SOX6: variants seen among roughly 807,000 people sequenced by gnomAD.
SOX6 encodes the protein transcription factor SOX-6.
A neutral mutation model predicts 97.8 loss-of-function variants in SOX6; 11 were observed. That is an observed-to-expected ratio of 0.11 (90% CI 0.07 to 0.19). SOX6 has a LOEUF of 0.19. Among genes scored for constraint, SOX6 ranks in the 10% least tolerant of loss-of-function variants. SOX6 has a pLI of 1.00. For missense variants in SOX6, 810 were observed against 1,039.5 expected (o/e 0.78, Z 3.04); for synonymous variants, 360 against 371.4 (o/e 0.97, Z 0.35).
At chr11:16,506,300 C>CTTTA (rs376351949) in intron 4 of SOX6, among the ~76,000 whole-genome samples, 1 of 152,252 alleles carries the variant, frequency 6.6e-6, no homozygotes, top group African/African-American at 2.4e-5. Context: ...TATTTTGGAG[C>CTTTA]TTTAAGGTTT....
chr11:16,347,611 A>T (rs1253898683), intron 1 of SOX6, among the ~76,000 whole-genome samples: 2 of 152,122 alleles, frequency 1.3e-5, no homozygotes, highest in African/African-American at 4.8e-5. Flanking sequence ...TTTTTAAGTG[A>T]ATAAACAGAC....
At chr11:16,561,091 C>A (rs879713913) in intron 4 of SOX6, among the ~76,000 whole-genome samples, 1 of 151,658 alleles carries the variant, frequency 6.6e-6, no homozygotes, top group Non-Finnish European at 1.5e-5. Context: ...GTAACCAAAA[C>A]CACCTGTTCC....
intron 11 of SOX6, 123 bp from the exon 12 acceptor site, chr11:16,046,824 T>A: frequency 1.0e-6 from 1 of 993,480 alleles, no homozygotes; most frequent in Non-Finnish European, 1.5e-6. Flanking sequence ...CATTTGCTAT[T>A]TTTTAAACTA....
intron 3 of SOX6, among the ~76,000 whole-genome samples, chr11:16,677,656 G>A (rs1847895139): frequency 6.6e-6 from 1 of 152,142 alleles, no homozygotes. Context: ...AAGGAGTATT[G>A]ATCTGTGAGT....
chr11:16,246,370 G>C (rs1004386431), intron 3 of SOX6, among the ~76,000 whole-genome samples: 33 of 151,318 alleles, frequency 2.2e-4, no homozygotes, highest in Admixed American at 9.9e-4. Flanking sequence ...TAAAATCTAA[G>C]TTTCCATCTA....
intron 4 of SOX6, among the ~76,000 whole-genome samples, chr11:16,604,442 A>AG (rs1848308640): frequency 6.6e-6 from 1 of 152,136 alleles, no homozygotes. Flanking sequence ...GCGGGAGTAG[A>AG]GGGGCCCTCT....
intron 3 of SOX6, among the ~76,000 whole-genome samples, chr11:16,624,015 G>T (rs957211280): frequency 1.3e-5 from 2 of 152,080 alleles, no homozygotes; most frequent in Non-Finnish European, 2.9e-5. Context: ...AATCATCATT[G>T]TGATTGCTAT....
chr11:16,249,120 A>T (rs1280680644), intron 3 of SOX6, among the ~76,000 whole-genome samples: 1 of 151,996 alleles, frequency 6.6e-6, no homozygotes, highest in African/African-American at 2.4e-5. Flanking sequence ...AAAAAGAAAA[A>T]AAAAATTGAC....
intron 3 of SOX6, among the ~76,000 whole-genome samples, chr11:16,306,627 C>CTTT (rs529819628): frequency 5.6e-5 from 6 of 106,480 alleles, no homozygotes; most frequent in East Asian, 3.1e-4. Flanking sequence ...TTTTTTTTTT[C>CTTT]TTTTTTTTTT....
chr11:16,187,105 A>G, intron 4 of SOX6, 150 bp from the exon 5 acceptor site: 1 of 811,040 alleles, frequency 1.2e-6, no homozygotes, highest in Non-Finnish European at 2.1e-6. Flanking sequence ...GGAACACCAG[A>G]GAGTAATTAC....
chr11:16,460,473 A>G (rs1859901514), intron 1 of SOX6, among the ~76,000 whole-genome samples: 2 of 152,222 alleles, frequency 1.3e-5, no homozygotes, highest in East Asian at 1.9e-4. Context: ...TGATAAGGTA[A>G]TATGAATGAC....
At chr11:16,402,610 G>C (rs1376877550) in intron 1 of SOX6, 1 of 1,525,422 alleles carries the variant, frequency 6.6e-7, no homozygotes, top group Non-Finnish European at 9.1e-7. Context: ...AATGAAAGCA[G>C]ACTGAAGTTA....
intron 6 of SOX6, among the ~76,000 whole-genome samples, chr11:16,146,041 CAAGTCAATCCT>C (rs1389977605): frequency 6.6e-6 from 1 of 152,092 alleles, no homozygotes; most frequent in Non-Finnish European, 1.5e-5. Flanking sequence ...CCCACATTGC[CAAGTCAATCCT>C]AAGCCAAAAG....
intron 2 of SOX6, among the ~76,000 whole-genome samples, chr11:16,718,266 AT>A (rs1029790669): frequency 1.4e-4 from 21 of 151,514 alleles, no homozygotes; most frequent in African/African-American, 4.9e-4. Flanking sequence ...AAAAAAAAAA[AT>A]TTCATTCCTC....
intron 14 of SOX6, 56 bp downstream of exon 14, chr11:15,988,941 G>A: frequency 6.6e-7 from 1 of 1,505,838 alleles, no homozygotes; most frequent in Non-Finnish European, 9.2e-7. Context: ...CACCCTGGTG[G>A]CACTCATGGG....
chr11:16,148,194 T>TAAAA (rs1564983183), intron 6 of SOX6, among the ~76,000 whole-genome samples: 3 of 152,190 alleles, frequency 2.0e-5, no homozygotes, highest in African/African-American at 7.2e-5. Flanking sequence ...AAGTATATTC[T>TAAAA]GCCAATCAGT....
chr11:16,604,486 CG>C (rs1848309371), intron 4 of SOX6, among the ~76,000 whole-genome samples: 1 of 152,200 alleles, frequency 6.6e-6, no homozygotes, highest in South Asian at 2.1e-4. Flanking sequence ...CTGGCTGGGC[CG>C]TGCAGCCAGG....
chr11:16,184,077 A>G (rs543491202), intron 5 of SOX6, 123 bp from the exon 6 acceptor site: 3 of 889,260 alleles, frequency 3.4e-6, no homozygotes, highest in Non-Finnish European at 5.3e-6. Flanking sequence ...AGTTCCTATA[A>G]AATGAGAGAG....
chr11:16,647,390 A>G (rs1042639260), intron 3 of SOX6, among the ~76,000 whole-genome samples: 1 of 152,208 alleles, frequency 6.6e-6, no homozygotes, highest in Non-Finnish European at 1.5e-5. Flanking sequence ...TATTACAAAA[A>G]TATCTAAAGG....
Sources: allele counts gnomAD v4.1 joint callset (sites outside exome capture counted in the v4.1 genomes callset), GRCh38; gene constraint gnomAD v4.1.1; transcripts MANE v1.5; gene names NCBI Gene and HGNC (gene_info 2026-07-23, HGNC 2026-07-21).